The following CHD7 variants were observed in gnomAD, a reference collection of about 807,000 sequenced individuals.
CHD7 encodes the protein chromodomain helicase DNA binding protein 7, also known as ATP-dependent chromatin remodeler CHD7.
A neutral mutation model predicts 307.3 loss-of-function variants in CHD7; 24 were observed. The observed-to-expected ratio is 0.08, with a 90% CI of 0.06 to 0.11. The LOEUF (loss-of-function observed/expected upper bound fraction) is 0.11, where lower values mean the gene tolerates loss of function less well. CHD7 is among the 10% of genes least tolerant of loss of function. The pLI is 1.00. For synonymous variants in CHD7, 1,363 were observed against 1,349.9 expected (o/e 1.01, Z -0.21); for missense variants, 3,106 against 3,727.1 (o/e 0.83, Z 4.34).
At chr8:60,808,192 T>C in intron 6 of CHD7, 25 bp from the exon 7 acceptor site, 1 of 1,523,738 alleles carries the variant, frequency 6.6e-7, no homozygotes, top group Non-Finnish European at 9.0e-7. Context: ...TTTAAATACA[T>C]GCCTGAAATT....
In CHD7 at chr8:60,866,961, G is replaced by A. The variant is rs933357432; in HGVS notation, c.*1028G>A. On this transcript the variant is annotated 3_prime_UTR_variant, in exon 38 of 38. Coordinates refer to ENST00000423902, the MANE Select transcript of CHD7 (RefSeq NM_017780.4). ...TGTTCACTCTATTTTTTTTGTATTC[G>A]CAATAGATGCAAATACAGCATTCTG... is the stretch of plus-strand genomic sequence containing the variant. 2.0e-5 allele frequency: 3 copies of A among 151,864 alleles called. No individual in the cohort carries two copies. The highest frequency in any genetic ancestry group is 1.3e-4 in the Admixed American group (2 of 15,234). 9.4% of individuals were successfully genotyped at this position (151,864 alleles called of 1,614,324 possible).
intron 32 of CHD7, among the ~76,000 whole-genome samples, chr8:60,855,624 A>T (rs1403359014): frequency 6.6e-6 from 1 of 152,252 alleles, no homozygotes; most frequent in Non-Finnish European, 1.5e-5. Flanking sequence ...GACATCCACC[A>T]GCAGAGCTCT....
intron 2 of CHD7, among the ~76,000 whole-genome samples, chr8:60,751,334 G>T (rs1809633399): frequency 6.6e-6 from 1 of 152,034 alleles, no homozygotes; most frequent in Admixed American, 6.6e-5. Context: ...CTTCTGTGCT[G>T]CCTTTTTCTT....
chr8:60,851,907 G>A (rs1805471055), intron 28 of CHD7, 112 bp from the exon 29 acceptor site: 1 of 660,918 alleles, frequency 1.5e-6, no homozygotes, highest in Non-Finnish European at 2.6e-6. Context: ...GCACTGAGAT[G>A]CCCTTTCCCA....
intron 2 of CHD7, among the ~76,000 whole-genome samples, chr8:60,753,844 C>T (rs190369005): frequency 1.3e-5 from 2 of 151,808 alleles, no homozygotes; most frequent in African/African-American, 2.4e-5. Flanking sequence ...AGGCTGGTCT[C>T]GAACTCCTTT....
chr8:60,837,121 T>A, intron 17 of CHD7, 109 bp downstream of exon 17: 1 of 838,944 alleles, frequency 1.2e-6, no homozygotes, highest in East Asian at 2.6e-5. Flanking sequence ...TCACTCAGGC[T>A]GTGTCCTATG....
chr8:60,805,115 G>A (rs1586358397), intron 6 of CHD7, among the ~76,000 whole-genome samples: 1 of 152,182 alleles, frequency 6.6e-6, no homozygotes, highest in East Asian at 1.9e-4. Context: ...ATAGGGCTTA[G>A]AGGTGAGAGG....
intron 13 of CHD7, among the ~76,000 whole-genome samples, chr8:60,827,685 C>T (rs988129826): frequency 2.6e-5 from 4 of 151,820 alleles, no homozygotes; most frequent in Non-Finnish European, 4.4e-5. Flanking sequence ...ACTCCTTCAC[C>T]TACTTTCAAA....
In CHD7 at chr8:60,865,159, G is replaced by A. The variant is rs1165672246; in HGVS notation, c.8220G>A (p.Gly2740=). Residue 2740 remains glycine, a synonymous_variant, in exon 38 of 38, where the codon GGG becomes GGA. Coordinates refer to ENST00000423902, the MANE Select transcript of CHD7 (RefSeq NM_017780.4). This position sits in a 1 kb window ranked among gnomAD's most constrained non-coding sequence, Gnocchi z 4.3. ...AAAAAVASTS[G]INPLLVNSLF... ...CCGCTGCTGTGGCCTCCACGTCAGG[G>A]ATCAACCCTTTGCTGGTGAACAGCC... is the stretch of plus-strand genomic sequence containing the variant. 6 of 1,612,164 alleles carry A rather than the reference G, an allele frequency of 3.7e-6. No individual in the cohort carries two copies. In the African/African-American group the frequency reaches 8.0e-5, roughly 21 times the overall value.
At chr8:60,743,226 A>G (rs574645287) in intron 2 of CHD7, 129 bp downstream of exon 2, 6 of 789,954 alleles carry the variant, frequency 7.6e-6, no homozygotes, top group East Asian at 5.3e-5. Flanking sequence ...TTTATTTGTT[A>G]TTGGCTTATG....
At chr8:60,738,573 G>C (rs1046117920) in intron 1 of CHD7, among the ~76,000 whole-genome samples, 1 of 152,126 alleles carries the variant, frequency 6.6e-6, no homozygotes, top group African/African-American at 2.4e-5. Flanking sequence ...TGGGCATTCA[G>C]ATGGTCTTGA....
At chr8:60,816,113 G>GTCTCTCTCTCTCTCTC (rs201056061) in intron 7 of CHD7, among the ~76,000 whole-genome samples, 91 of 139,306 alleles carry the variant, frequency 6.5e-4, no homozygotes, top group African/African-American at 1.7e-3. Context: ...CTGTCTGTCT[G>GTCTCTCTCTCTCTCTC]TCTCTCTCTC....
At chr8:60,831,201 A>C (rs1268169457) in intron 15 of CHD7, among the ~76,000 whole-genome samples, 1 of 152,188 alleles carries the variant, frequency 6.6e-6, no homozygotes, top group African/African-American at 2.4e-5. Flanking sequence ...ATGTTGTATA[A>C]GATACTCTGG....
At chr8:60,801,066 A>G (rs529432484) in intron 5 of CHD7, among the ~76,000 whole-genome samples, 2 of 152,358 alleles carry the variant, frequency 1.3e-5, no homozygotes, top group East Asian at 3.9e-4. Flanking sequence ...TGAAAAGTAT[A>G]TTAAATGCAT....
chr8:60,827,459 TA>T (rs1003861595), intron 13 of CHD7, among the ~76,000 whole-genome samples: 42 of 149,318 alleles, frequency 2.8e-4, no homozygotes, highest in African/African-American at 9.6e-4. Context: ...TGATGGGACT[TA>T]AAAAAAAAAG....
chr8:60,718,671 A>C (rs1807740991), intron 1 of CHD7, among the ~76,000 whole-genome samples: 1 of 152,188 alleles, frequency 6.6e-6, no homozygotes, highest in Non-Finnish European at 1.5e-5. Flanking sequence ...TAAACAGATA[A>C]ATTTATTGAA....
At chr8:60,767,862 G>A (rs1260958077) in intron 2 of CHD7, among the ~76,000 whole-genome samples, 2 of 152,154 alleles carry the variant, frequency 1.3e-5, no homozygotes, top group Admixed American at 6.5e-5. Context: ...TCTGTGCACG[G>A]TGAACTGTCT....
intron 1 of CHD7, among the ~76,000 whole-genome samples, chr8:60,737,608 C>G (rs1259175672): frequency 6.6e-6 from 1 of 152,170 alleles, no homozygotes; most frequent in Non-Finnish European, 1.5e-5. Flanking sequence ...GACCCCTCCT[C>G]ACCCCCAAAC....
rs376743531 is a variant in CHD7, at chr8:60,742,336, C to T, written c.904C>T (p.Pro302Ser). 6 of 1,613,992 alleles carry T rather than the reference C, an allele frequency of 3.7e-6. No individual in the cohort carries two copies. In the African/African-American group the frequency reaches 5.3e-5, roughly 14 times the overall value. The change falls in exon 2 of 38, where the codon CCT becomes TCT. Residue 302 changes from proline (P) to serine (S), a missense_variant. Physicochemically the swap from Pro to Ser is moderately conservative, Grantham distance 74. Around this residue, in one of 10 missense-constraint regions of CHD7, gnomAD observed 998 missense variants for 1,004.5 expected, o/e 0.99. Transcript: ENST00000423902. Reference sequence around the variant, plus strand: ...TTCTCGGAGCCAGACAGTCCCCTCTCCTACTATAAACAACTCAGGGCAGTA... The same window carrying T: ...TTCTCGGAGCCAGACAGTCCCCTCTTCTACTATAAACAACTCAGGGCAGTA... ...FSSRSQTVPS[P>S]TINNSGQYSR... is the part of the protein sequence containing the mutation.
Sources: gnomAD v4.1 joint callset for allele counts (sites outside exome capture counted in the v4.1 genomes callset) on GRCh38, gnomAD v4.1.1 for gene constraint, gnomAD v4.1.1 regional missense constraint, Gnocchi (gnomAD v3.1) non-coding constraint, MANE v1.5 for transcripts, NCBI Gene and HGNC (gene_info 2026-07-23, HGNC 2026-07-21) for gene names.